The following CNBD1 variants were observed in gnomAD, a reference collection of about 807,000 sequenced individuals.
The protein encoded by CNBD1 is cyclic nucleotide-binding domain-containing protein 1.
CNBD1 carries 71 observed loss-of-function variants against 54.4 expected under a neutral mutation model. That is an observed-to-expected ratio of 1.30 (90% CI 1.08 to 1.59). The LOEUF is 1.59. CNBD1 is among the 40% of genes most tolerant of loss of function. The pLI is 0.00. For missense variants in CNBD1, 659 were observed against 518.0 expected (o/e 1.27, Z -2.64); for synonymous variants, 182 against 170.7 (o/e 1.07, Z -0.51).
chr8:86,947,551 A>AT (rs1046054261), intron 4 of CNBD1, among the ~76,000 whole-genome samples: 3 of 152,160 alleles, frequency 2.0e-5, no homozygotes, highest in Admixed American at 1.3e-4. Flanking sequence ...GCTCAATTTC[A>AT]TTTTTTTGTA....
intron 6 of CNBD1, among the ~76,000 whole-genome samples, chr8:87,245,333 T>A (rs954414651): frequency 1.3e-5 from 2 of 152,072 alleles, no homozygotes; most frequent in Admixed American, 1.3e-4. Context: ...ATATGTTTAT[T>A]GGTACATAGT....
chr8:87,318,641 A>C (rs1316310165), intron 8 of CNBD1, among the ~76,000 whole-genome samples: 1 of 152,092 alleles, frequency 6.6e-6, no homozygotes. Flanking sequence ...TAAAGGAATT[A>C]GATAGAATTA....
At chr8:87,001,778 T>A (rs563473921) in intron 4 of CNBD1, among the ~76,000 whole-genome samples, 1 of 152,174 alleles carries the variant, frequency 6.6e-6, no homozygotes, top group Non-Finnish European at 1.5e-5. Context: ...TATTAATGTC[T>A]TTAACTGGGG....
chr8:86,987,729 C>T (rs1443047766), intron 4 of CNBD1, among the ~76,000 whole-genome samples: 1 of 152,080 alleles, frequency 6.6e-6, no homozygotes, highest in East Asian at 1.9e-4. Flanking sequence ...TGGATTTTAT[C>T]CAAAGCTTTT....
At chr8:87,356,697 G>A (rs55878626) in intron 10 of CNBD1, among the ~76,000 whole-genome samples, 24,360 of 152,142 alleles carry the variant, frequency 0.16, 2,675 homozygotes, top group African/African-American at 0.32. Flanking sequence ...TAGCTATGTG[G>A]AAGAGAAGGA....
At chr8:87,001,913 C>T (rs1336545657) in intron 4 of CNBD1, among the ~76,000 whole-genome samples, 1 of 152,078 alleles carries the variant, frequency 6.6e-6, no homozygotes, top group Non-Finnish European at 1.5e-5. Context: ...TCACCTTTGT[C>T]TTTCACTTCT....
At chr8:87,045,410 GT>G (rs760552159) in intron 4 of CNBD1, among the ~76,000 whole-genome samples, 22 of 152,282 alleles carry the variant, frequency 1.4e-4, no homozygotes, top group Non-Finnish European at 2.6e-4. Flanking sequence ...TTAAGCACCT[GT>G]AAGTTTTATT....
chr8:87,329,495 G>A (rs1245360500), intron 8 of CNBD1, among the ~76,000 whole-genome samples: 1 of 152,028 alleles, frequency 6.6e-6, no homozygotes, highest in Non-Finnish European at 1.5e-5. Context: ...TTTTGGGAAA[G>A]TCTAATATCT....
At chr8:86,961,107 A>G (rs1807917258) in intron 4 of CNBD1, among the ~76,000 whole-genome samples, 2 of 152,208 alleles carry the variant, frequency 1.3e-5, no homozygotes, top group Non-Finnish European at 2.9e-5. Flanking sequence ...ATATAGCAAT[A>G]TATGTTGTTA....
chr8:87,424,926 G>A (rs1808018223), intron 2 of CNBD1, among the ~76,000 whole-genome samples: 1 of 152,044 alleles, frequency 6.6e-6, no homozygotes, highest in Non-Finnish European at 1.5e-5. Flanking sequence ...TTTCCAACTT[G>A]GTTCCATTCT....
intron 6 of CNBD1, among the ~76,000 whole-genome samples, chr8:87,277,463 T>A (rs866745416): frequency 4.6e-5 from 7 of 151,916 alleles, no homozygotes; most frequent in Middle Eastern, 3.4e-3. Context: ...ACCAAATATT[T>A]GGACACTCCG....
At chr8:87,300,365 A>G (rs1295770854) in intron 8 of CNBD1, among the ~76,000 whole-genome samples, 3 of 152,076 alleles carry the variant, frequency 2.0e-5, no homozygotes, top group African/African-American at 4.8e-5. Flanking sequence ...AAAACCCCAA[A>G]AGTCTGGAGA....
chr8:87,327,313 G>C (rs1809697353), intron 8 of CNBD1, among the ~76,000 whole-genome samples: 1 of 150,008 alleles, frequency 6.7e-6, no homozygotes, highest in Non-Finnish European at 1.5e-5. Flanking sequence ...TGGCCTCCTT[G>C]AGCTGTGGTG....
intron 6 of CNBD1, among the ~76,000 whole-genome samples, chr8:87,259,334 C>T (rs191671314): frequency 6.6e-6 from 1 of 152,186 alleles, no homozygotes; most frequent in African/African-American, 2.4e-5. Context: ...ATCCCTAGGC[C>T]TTATTTAGAA....
chr8:87,085,141 A>G (rs192518066), intron 4 of CNBD1, among the ~76,000 whole-genome samples: 2 of 151,984 alleles, frequency 1.3e-5, no homozygotes, highest in African/African-American at 4.8e-5. Flanking sequence ...TTTCAATTAC[A>G]TGTGTATTTG....
At chr8:86,908,527 C>A (rs1809051736) in intron 3 of CNBD1, among the ~76,000 whole-genome samples, 1 of 152,104 alleles carries the variant, frequency 6.6e-6, no homozygotes, top group Non-Finnish European at 1.5e-5. Context: ...CAGAGTTATG[C>A]ATTGAAAAAA....
chr8:87,370,602 A>G (rs1163183171), intron 10 of CNBD1, among the ~76,000 whole-genome samples: 1 of 151,906 alleles, frequency 6.6e-6, no homozygotes, highest in Admixed American at 6.6e-5. Context: ...AATTTGTTTA[A>G]GTTCATTGTA....
chr8:86,930,285 T>A (rs1466077131), intron 3 of CNBD1, among the ~76,000 whole-genome samples: 5 of 152,202 alleles, frequency 3.3e-5, no homozygotes, highest in African/African-American at 1.2e-4. Context: ...TTTGACTTGT[T>A]GTAGGCAGAG....
chr8:87,119,654 G>T (rs1457573836), intron 4 of CNBD1, among the ~76,000 whole-genome samples: 1 of 151,976 alleles, frequency 6.6e-6, no homozygotes, highest in Non-Finnish European at 1.5e-5. Flanking sequence ...TTGTTGTCTT[G>T]TTCCAGTCCT....
Sources: gnomAD v4.1 joint callset for allele counts (sites outside exome capture counted in the v4.1 genomes callset) on GRCh38, gnomAD v4.1.1 for gene constraint, MANE v1.5 for transcripts, NCBI Gene and HGNC (gene_info 2026-07-23, HGNC 2026-07-21) for gene names.